The following TRPC4 variants were observed in gnomAD, a reference collection of about 807,000 sequenced individuals.
TRPC4 encodes the protein transient receptor potential cation channel subfamily C member 4, also known as short transient receptor potential channel 4.
Under a neutral mutation model 99.4 loss-of-function variants are expected in TRPC4, and 49 were observed. The ratio of observed to expected loss-of-function variants is 0.49; its 90% CI spans 0.39 to 0.63. The LOEUF is 0.63. TRPC4 is among the 20% of genes least tolerant of loss of function. The probability of loss-of-function intolerance (pLI) is 0.00; values close to 1 mark genes in which losing one functional copy is unlikely to be tolerated. For synonymous variants in TRPC4, 454 were observed against 425.9 expected (o/e 1.07, Z -0.81); for missense variants, 898 against 1,152.9 (o/e 0.78, Z 3.20).
chr13:37,667,122 C>T (rs980979742), intron 5 of TRPC4, among the ~76,000 whole-genome samples: 9 of 152,180 alleles, frequency 5.9e-5, no homozygotes, highest in East Asian at 1.9e-4. Context: ...TGAGGTTCCT[C>T]CTAGAATCTT....
chr13:37,644,889 A>AG (rs1555249109), intron 8 of TRPC4, among the ~76,000 whole-genome samples: 15 of 150,846 alleles, frequency 9.9e-5, no homozygotes, highest in African/African-American at 2.9e-4. Flanking sequence ...AAAAAAAAAA[A>AG]AAAGAAAGAA....
intron 3 of TRPC4, among the ~76,000 whole-genome samples, chr13:37,727,488 A>T (rs1049350776): frequency 2.0e-5 from 3 of 152,016 alleles, no homozygotes; most frequent in African/African-American, 7.2e-5. Context: ...TCTCAAGTTG[A>T]AAGTTTATTT....
At chr13:37,651,184 T>C in intron 8 of TRPC4, 81 bp downstream of exon 8, 1 of 1,524,826 alleles carries the variant, frequency 6.6e-7, no homozygotes, top group Non-Finnish European at 9.0e-7. Flanking sequence ...GCTAAAGACC[T>C]GAACATGTAC....
At chr13:37,734,022 A>G (rs1955320654) in intron 3 of TRPC4, among the ~76,000 whole-genome samples, 1 of 152,142 alleles carries the variant, frequency 6.6e-6, no homozygotes. Context: ...ACACTTGCCC[A>G]GCAGAGATAA....
intron 3 of TRPC4, among the ~76,000 whole-genome samples, chr13:37,698,172 T>TTTTTTTTTTTTTTTTTTTTG: frequency 8.1e-6 from 1 of 123,836 alleles, no homozygotes; most frequent in Non-Finnish European, 1.7e-5. Context: ...CTAACCTTTT[T>TTTTTTTTTTTTTTTTTTTTG]TTTTTTGAGT....
intron 2 of TRPC4, among the ~76,000 whole-genome samples, chr13:37,761,895 TG>T (rs111421315): frequency 0.042 from 6,387 of 151,722 alleles, 460 homozygotes; most frequent in African/African-American, 0.15. Context: ...GCATGCTTTT[TG>T]TTGCTGAAAA....
intron 3 of TRPC4, among the ~76,000 whole-genome samples, chr13:37,725,905 G>A (rs184878931): frequency 6.6e-6 from 1 of 152,184 alleles, no homozygotes; most frequent in Non-Finnish European, 1.5e-5. Context: ...TGAGTATGTA[G>A]ATAACTAAAA....
At chr13:37,640,570 A>G (rs565437789) in intron 8 of TRPC4, among the ~76,000 whole-genome samples, 2 of 152,274 alleles carry the variant, frequency 1.3e-5, no homozygotes, top group South Asian at 4.1e-4. Flanking sequence ...TTAAAATAGG[A>G]TTAAGTTATT....
At chr13:37,777,000 CTGTT>C (rs1352328469) in intron 2 of TRPC4, among the ~76,000 whole-genome samples, 7 of 151,908 alleles carry the variant, frequency 4.6e-5, no homozygotes, top group African/African-American at 1.7e-4. Context: ...TTACTTCAGA[CTGTT>C]TGATTTTCTG....
intron 3 of TRPC4, among the ~76,000 whole-genome samples, chr13:37,740,627 A>C (rs1955555522): frequency 6.6e-6 from 1 of 152,134 alleles, no homozygotes; most frequent in African/African-American, 2.4e-5. Flanking sequence ...TACTAAGGCT[A>C]CACCCTATGT....
In TRPC4 at chr13:37,746,331, A is replaced by ACCT; in HGVS notation, c.502_503insAGG (p.Ser167_Val168insGlu). On this transcript the variant is annotated inframe_insertion, in exon 3 of 11. Transcript: ENST00000379705. ...ACAGCGGACCTCGTGGGGTCGAGGC[A>ACCT]CTGAGACTCCTTTCTGAACCAAGAG... The ACCT allele has an allele frequency of 6.2e-7, 1 of 1,613,818 alleles. No individual in the cohort carries two copies. Among genetic ancestry groups the ACCT allele is most frequent in the South Asian group, 1.1e-5 (1 of 91,080 alleles).
At chr13:37,860,208 A>G (rs970268246) in intron 1 of TRPC4, among the ~76,000 whole-genome samples, 1 of 151,528 alleles carries the variant, frequency 6.6e-6, no homozygotes, top group South Asian at 2.1e-4. Context: ...AATGATTAAC[A>G]ACATCAGTAA....
At chr13:37,736,899 T>A (rs1167849524) in intron 3 of TRPC4, among the ~76,000 whole-genome samples, 1 of 148,436 alleles carries the variant, frequency 6.7e-6, no homozygotes, top group African/African-American at 2.5e-5. Context: ...TGGCTAATTT[T>A]TTTTTTTTTT....
At chr13:37,780,184 G>A (rs568497598) in intron 2 of TRPC4, among the ~76,000 whole-genome samples, 2 of 152,074 alleles carry the variant, frequency 1.3e-5, no homozygotes, top group Non-Finnish European at 2.9e-5. Context: ...ACCTGAGGAT[G>A]ACTATGAAAT....
chr13:37,723,881 A>G (rs1954951406), intron 3 of TRPC4, among the ~76,000 whole-genome samples: 1 of 152,098 alleles, frequency 6.6e-6, no homozygotes, highest in Non-Finnish European at 1.5e-5. Flanking sequence ...GGAAAAAATT[A>G]GAACTATAAA....
intron 3 of TRPC4, 92 bp downstream of exon 3, chr13:37,745,845 C>G (rs1238733572): frequency 1.4e-6 from 2 of 1,459,950 alleles, no homozygotes; most frequent in Non-Finnish European, 1.8e-6. Context: ...AGAAAATGCT[C>G]TAAAACCCAA....
intron 7 of TRPC4, 82 bp from the exon 8 acceptor site, chr13:37,651,541 A>G: frequency 7.9e-7 from 1 of 1,264,898 alleles, no homozygotes; most frequent in Non-Finnish European, 1.1e-6. Context: ...CTGTAACCTG[A>G]CTTCAAGCGG....
chr13:37,832,261 A>G (rs1027623610), intron 1 of TRPC4, among the ~76,000 whole-genome samples: 2 of 152,144 alleles, frequency 1.3e-5, no homozygotes, highest in African/African-American at 4.8e-5. Context: ...AAAAATACTC[A>G]ATTTGGCCAC....
chr13:37,825,655 T>A (rs2139563152), intron 1 of TRPC4, among the ~76,000 whole-genome samples: 1 of 143,348 alleles, frequency 7.0e-6, no homozygotes, highest in East Asian at 2.2e-4. Flanking sequence ...TTATAATTTC[T>A]GTTCTTTTAC....
Sources: allele counts gnomAD v4.1 joint callset (sites outside exome capture counted in the v4.1 genomes callset), GRCh38; gene constraint gnomAD v4.1.1; transcripts MANE v1.5; gene names NCBI Gene and HGNC (gene_info 2026-07-23, HGNC 2026-07-21).